SCAI: variants seen among roughly 807,000 people sequenced by gnomAD.
SCAI encodes the protein protein SCAI.
In SCAI, 24 loss-of-function variants were observed where a neutral mutation model predicts 92.2. That is an observed-to-expected ratio of 0.26 (90% CI 0.19 to 0.37). The LOEUF (loss-of-function observed/expected upper bound fraction) is 0.37. Among genes scored for constraint, SCAI ranks in the 10% least tolerant of loss-of-function variants. The probability of loss-of-function intolerance (pLI) is 1.00; values close to 1 mark genes in which losing one functional copy is unlikely to be tolerated. For missense variants in SCAI, 450 were observed against 736.2 expected, an observed-to-expected ratio of 0.61 and a Z score of 4.50; for synonymous variants, 261 against 258.6, an observed-to-expected ratio of 1.01 and a Z score of -0.09.
chr9:125,002,110 G>T, intron 11 of SCAI, 67 bp from the exon 12 acceptor site: 1 of 1,063,596 alleles, frequency 9.4e-7, no homozygotes, highest in Non-Finnish European at 1.5e-6. Flanking sequence ...TTTATTTAAA[G>T]TTCATGACAT....
chr9:125,028,085 G>C (rs1206081191), intron 5 of SCAI, among the ~76,000 whole-genome samples: 3 of 152,206 alleles, frequency 2.0e-5, no homozygotes, highest in African/African-American at 7.2e-5. Context: ...ATTAAGACAA[G>C]TGAAGCTGCA....
intron 2 of SCAI, among the ~76,000 whole-genome samples, chr9:125,127,776 G>A (rs1021943695): frequency 1.3e-5 from 2 of 152,186 alleles, no homozygotes; most frequent in African/African-American, 2.4e-5. Flanking sequence ...GGGAGGCAGA[G>A]GTGGGTGGAT....
At chr9:125,116,412 A>G (rs898391019) in intron 2 of SCAI, among the ~76,000 whole-genome samples, 4 of 152,190 alleles carry the variant, frequency 2.6e-5, no homozygotes, top group Non-Finnish European at 5.9e-5. Flanking sequence ...TAGAATGAAT[A>G]AACGAGGGGA....
chr9:125,046,975 A>G (rs1265802401), intron 3 of SCAI, among the ~76,000 whole-genome samples: 1 of 152,186 alleles, frequency 6.6e-6, no homozygotes, highest in Non-Finnish European at 1.5e-5. Context: ...GTGACAGCAT[A>G]GTATTGAATC....
At chr9:125,007,977 C>T (rs1323014297) in intron 9 of SCAI, among the ~76,000 whole-genome samples, 1 of 151,908 alleles carries the variant, frequency 6.6e-6, no homozygotes, top group African/African-American at 2.4e-5. Context: ...TCCGGAGTAG[C>T]TGGGACTACA....
At chr9:125,137,173 T>C (rs978776608) in intron 2 of SCAI, among the ~76,000 whole-genome samples, 1 of 152,238 alleles carries the variant, frequency 6.6e-6, no homozygotes, top group Admixed American at 6.5e-5. Context: ...CCTGCACTGT[T>C]TTCTGAGGAA....
rs1364113838 is a variant in SCAI, at chr9:125,064,002, C to G, written c.99-7995G>C. On this transcript the variant is annotated intron_variant, in intron 2 of 17. Coordinates refer to ENST00000336505, the MANE Select transcript of SCAI (RefSeq NM_001144877.3). The stretch of plus-strand genomic sequence containing the variant: ...CTCCAGACTCAGGTGATCCCCCTGC[C>G]TTGGCCTCCCAAAGTGCTGGGATTA... Among the ~76,000 whole-genome samples the G allele has an allele frequency of 3.9e-5, 6 of 152,312 alleles. No individual in the cohort carries two copies. The East Asian group carries it at 9.6e-4, about 24-fold the overall frequency.
intron 2 of SCAI, among the ~76,000 whole-genome samples, chr9:125,118,348 T>TA (rs1835093423): frequency 6.6e-6 from 1 of 151,694 alleles, no homozygotes; most frequent in African/African-American, 2.4e-5. Context: ...TCCACAACTC[T>TA]AAAAAATAAA....
chr9:125,006,197 A>C (rs1832503551), intron 9 of SCAI, among the ~76,000 whole-genome samples: 1 of 152,162 alleles, frequency 6.6e-6, no homozygotes. Context: ...AGCAAACAGA[A>C]ACAGGATGAT....
At chr9:124,981,607 G>A (rs1831887671) in intron 14 of SCAI, among the ~76,000 whole-genome samples, 1 of 152,056 alleles carries the variant, frequency 6.6e-6, no homozygotes, top group African/African-American at 2.4e-5. Context: ...TGTTACGAAA[G>A]CATGTGATTG....
intron 15 of SCAI, chr9:124,975,340 T>C (rs1373669182): frequency 1.8e-5 from 8 of 456,736 alleles, no homozygotes; most frequent in Middle Eastern, 3.3e-4. Context: ...ACAGGACTTC[T>C]GGCTGGGAAG....
At chr9:125,081,155 T>C (rs1354481455) in intron 2 of SCAI, among the ~76,000 whole-genome samples, 1 of 152,232 alleles carries the variant, frequency 6.6e-6, no homozygotes, top group Non-Finnish European at 1.5e-5. Flanking sequence ...GAAAATGGAA[T>C]AATACAGTAA....
intron 2 of SCAI, among the ~76,000 whole-genome samples, chr9:125,138,901 T>C (rs1042307390): frequency 2.0e-5 from 3 of 152,192 alleles, no homozygotes; most frequent in African/African-American, 7.2e-5. Context: ...ACAGGCTTAT[T>C]AACTTGCACA....
At chr9:125,092,191 G>C (rs1196382494) in intron 2 of SCAI, among the ~76,000 whole-genome samples, 1 of 144,626 alleles carries the variant, frequency 6.9e-6, no homozygotes, top group Non-Finnish European at 1.5e-5. Context: ...GCACATGGTG[G>C]CTCATGCCTG....
chr9:125,058,524 A>G (rs958540121), intron 2 of SCAI, among the ~76,000 whole-genome samples: 1 of 152,200 alleles, frequency 6.6e-6, no homozygotes, highest in Non-Finnish European at 1.5e-5. Flanking sequence ...CAAAAAAAAT[A>G]AACTGTAAGT....
chr9:125,114,699 T>TAGG (rs908277816), intron 2 of SCAI, among the ~76,000 whole-genome samples: 1 of 150,126 alleles, frequency 6.7e-6, no homozygotes, highest in Non-Finnish European at 1.5e-5. Flanking sequence ...TTGAACTCCT[T>TAGG]GGCTCAAACG....
intron 2 of SCAI, among the ~76,000 whole-genome samples, chr9:125,060,555 A>G (rs1218446741): frequency 6.6e-6 from 1 of 152,160 alleles, no homozygotes; most frequent in East Asian, 1.9e-4. Flanking sequence ...TAAATCCCAG[A>G]ATTCCCATGT....
intron 2 of SCAI, among the ~76,000 whole-genome samples, chr9:125,130,751 G>A (rs956355569): frequency 6.6e-6 from 1 of 151,010 alleles, no homozygotes; most frequent in African/African-American, 2.4e-5. Context: ...CCAAAGTACT[G>A]GGATTACAGG....
chr9:125,123,849 C>A (rs1236521779), intron 2 of SCAI, among the ~76,000 whole-genome samples: 1 of 152,236 alleles, frequency 6.6e-6, no homozygotes, highest in Non-Finnish European at 1.5e-5. Flanking sequence ...CACGTGTGAG[C>A]ACCTTCAACA....
Sources: allele counts gnomAD v4.1 joint callset (sites outside exome capture counted in the v4.1 genomes callset), GRCh38; gene constraint gnomAD v4.1.1; transcripts MANE v1.5; gene names NCBI Gene and HGNC (gene_info 2026-07-23, HGNC 2026-07-21).